The following RBFOX1 variants were observed in gnomAD, a reference collection of about 807,000 sequenced individuals.
RBFOX1 encodes RNA binding protein fox-1 homolog 1.
In RBFOX1, 8 loss-of-function variants were observed where a neutral mutation model predicts 57.7. The ratio of observed to expected loss-of-function variants is 0.14; its 90% CI spans 0.08 to 0.25. The LOEUF (loss-of-function observed/expected upper bound fraction) is 0.25, where lower values mean the gene tolerates loss of function less well. Ranked by LOEUF, RBFOX1 falls within the 10% of genes least tolerant of loss-of-function variation. RBFOX1 has a pLI of 1.00. For synonymous variants in RBFOX1, 326 were observed against 222.4 expected (o/e 1.47, Z -4.15); for missense variants, 611 against 548.5 (o/e 1.11, Z -1.14).
chr16:6,068,561 G>A (rs779348375), intron 1 of RBFOX1, among the ~76,000 whole-genome samples: 3 of 152,038 alleles, frequency 2.0e-5, no homozygotes, highest in Non-Finnish European at 2.9e-5. Context: ...AAGTTTATTC[G>A]GGGTTTGAAG....
At chr16:7,174,412 C>T (rs187954379) in intron 4 of RBFOX1, among the ~76,000 whole-genome samples, 1 of 152,118 alleles carries the variant, frequency 6.6e-6, no homozygotes, top group Non-Finnish European at 1.5e-5. Context: ...TGGATATATG[C>T]TTTCACCTTT....
intron 2 of RBFOX1, among the ~76,000 whole-genome samples, chr16:5,529,376 G>T (rs1171309252): frequency 6.9e-6 from 1 of 144,846 alleles, no homozygotes; most frequent in Non-Finnish European, 1.5e-5. Context: ...CCCCAATCCA[G>T]TATGGCCAGT....
intron 1 of RBFOX1, among the ~76,000 whole-genome samples, chr16:6,309,742 TGGGA>T (rs1400049732): frequency 6.6e-6 from 1 of 152,082 alleles, no homozygotes; most frequent in Non-Finnish European, 1.5e-5. Flanking sequence ...AGAGGGAGGC[TGGGA>T]GGAACAGAAG....
intron 2 of RBFOX1, among the ~76,000 whole-genome samples, chr16:6,427,312 T>G (rs144104403): frequency 6.6e-6 from 1 of 152,216 alleles, no homozygotes; most frequent in South Asian, 2.1e-4. Context: ...CGTCATCTTA[T>G]GTTTACATTA....
At chr16:7,535,893 T>C (rs1399526407) in intron 5 of RBFOX1, among the ~76,000 whole-genome samples, 1 of 152,228 alleles carries the variant, frequency 6.6e-6, no homozygotes, top group Non-Finnish European at 1.5e-5. Flanking sequence ...TAATTGTGTA[T>C]TGTTCATTTA....
chr16:6,794,377 A>G (rs2083546319), intron 3 of RBFOX1, among the ~76,000 whole-genome samples: 1 of 149,400 alleles, frequency 6.7e-6, no homozygotes. Flanking sequence ...TTCCTTAACT[A>G]CACTCTTTGA....
chr16:7,559,315 C>G (rs2089700168), intron 5 of RBFOX1, among the ~76,000 whole-genome samples: 1 of 151,872 alleles, frequency 6.6e-6, no homozygotes, highest in African/African-American at 2.4e-5. Context: ...CTCTTTCTCT[C>G]AGTCTCTCTC....
chr16:5,942,554 A>T lies in RBFOX1; in HGVS notation c.351+75219A>T, dbSNP rs993743485. ...CAGAACAGTGGCTGGTTATCGTTTA[A>T]TTATGCCTACCTCTTAGCAGGATTC... On this transcript the variant is annotated intron_variant, in intron 4 of 19. Transcript: ENST00000641259. Among the ~76,000 whole-genome samples the T allele has an allele frequency of 4.6e-5, 7 of 152,198 alleles. No individual in the cohort carries two copies. In the East Asian group the frequency reaches 5.8e-4, roughly 13 times the overall value.
At chr16:5,936,332 C>T (rs980750776) in intron 4 of RBFOX1, among the ~76,000 whole-genome samples, 1 of 152,160 alleles carries the variant, frequency 6.6e-6, no homozygotes, top group Non-Finnish European at 1.5e-5. Flanking sequence ...CCACGTTCAC[C>T]AGACTGGTCT....
At chr16:6,423,951 C>T (rs1423574769) in intron 2 of RBFOX1, among the ~76,000 whole-genome samples, 2 of 151,856 alleles carry the variant, frequency 1.3e-5, no homozygotes, top group African/African-American at 4.8e-5. Flanking sequence ...TATGAAGTGC[C>T]AGTTGTGTCC....
chr16:6,352,500 A>G (rs987512942), intron 2 of RBFOX1, among the ~76,000 whole-genome samples: 1 of 152,142 alleles, frequency 6.6e-6, no homozygotes, highest in African/African-American at 2.4e-5. Flanking sequence ...TTTTCTAAAC[A>G]CTAGTTTTTG....
chr16:7,173,210 C>G (rs73554358), intron 4 of RBFOX1, among the ~76,000 whole-genome samples: 1 of 152,022 alleles, frequency 6.6e-6, no homozygotes, highest in African/African-American at 2.4e-5. Context: ...TAAAGAAAAA[C>G]ATCACTACTT....
At chr16:5,848,258 T>C (rs1597476547) in intron 3 of RBFOX1, among the ~76,000 whole-genome samples, 1 of 152,234 alleles carries the variant, frequency 6.6e-6, no homozygotes, top group East Asian at 1.9e-4. Context: ...TTTCTGTACA[T>C]AAGGTGGTTC....
downstream of RBFOX1, among the ~76,000 whole-genome samples, chr16:5,603,725 C>A (rs78867051): frequency 0.037 from 5,662 of 152,188 alleles, 251 homozygotes; most frequent in African/African-American, 0.11. Context: ...ATGAAACATA[C>A]CTGTCTTTAA....
chr16:6,843,557 C>T (rs1040143668), intron 3 of RBFOX1, among the ~76,000 whole-genome samples: 10 of 151,938 alleles, frequency 6.6e-5, no homozygotes, highest in African/African-American at 1.7e-4. Flanking sequence ...GGCATGGTGG[C>T]GGGCACCTGT....
At chr16:6,691,983 GGATTTTTCCCCTA>G (rs1392490888) in intron 3 of RBFOX1, among the ~76,000 whole-genome samples, 1 of 152,116 alleles carries the variant, frequency 6.6e-6, no homozygotes, top group Non-Finnish European at 1.5e-5. Context: ...TTAGGGACAT[GGATTTTTCCCCTA>G]CAGCTTTCAG....
At position 5,450,054 on chromosome 16, in the gene RBFOX1, G is replaced by A. The variant is rs113442789; in HGVS notation, c.220-17162G>A. Reference sequence around the variant, plus strand: ...AGGTACTGGGGTAAGTGCCCTGCATGCATTGACCACTTGGATCTGAGAAAG... The same window carrying A: ...AGGTACTGGGGTAAGTGCCCTGCATACATTGACCACTTGGATCTGAGAAAG... On this transcript the variant is annotated intron_variant, in intron 1 of 2. Transcript: ENST00000585867. Among the ~76,000 whole-genome samples the A allele has an allele frequency of 2.5e-3, 386 of 152,298 alleles. 1 individual carries two copies. The highest frequency in any genetic ancestry group is 8.9e-3 in the African/African-American group (372 of 41,570).
chr16:6,646,275 C>G (rs8051992), intron 2 of RBFOX1, among the ~76,000 whole-genome samples: 1 of 152,084 alleles, frequency 6.6e-6, no homozygotes, highest in Non-Finnish European at 1.5e-5. Flanking sequence ...CAATTTGAGT[C>G]CAGCATTGTT....
At chr16:7,203,965 T>C (rs2152740261) in intron 4 of RBFOX1, among the ~76,000 whole-genome samples, 1 of 152,366 alleles carries the variant, frequency 6.6e-6, no homozygotes, top group Non-Finnish European at 1.5e-5. Context: ...CTGTACAAGC[T>C]GTGCTGTGTT....
Sources: gnomAD v4.1 joint callset for allele counts (sites outside exome capture counted in the v4.1 genomes callset) on GRCh38, gnomAD v4.1.1 for gene constraint, MANE v1.5 for transcripts, NCBI Gene and HGNC (gene_info 2026-07-23, HGNC 2026-07-21) for gene names.